The following SPOCK1 variants were observed in gnomAD, a reference collection of about 807,000 sequenced individuals.
SPOCK1 encodes testican-1.
In SPOCK1, 23 loss-of-function variants were observed where a neutral mutation model predicts 55.3. The ratio of observed to expected loss-of-function variants is 0.42; its 90% CI spans 0.30 to 0.59. The LOEUF is 0.59. Among genes scored for constraint, SPOCK1 ranks in the 20% least tolerant of loss-of-function variants. SPOCK1 has a pLI of 0.22. For synonymous variants in SPOCK1, 226 were observed against 221.0 expected (o/e 1.02, Z -0.20); for missense variants, 499 against 552.5 (o/e 0.90, Z 0.97).
chr5:137,164,321 C>T (rs1754610269), intron 3 of SPOCK1, among the ~76,000 whole-genome samples: 1 of 152,020 alleles, frequency 6.6e-6, no homozygotes, highest in Non-Finnish European at 1.5e-5. Flanking sequence ...TCTTGGACGA[C>T]ACTTCTAGAC....
At chr5:137,236,865 A>G (rs953072294) in intron 3 of SPOCK1, among the ~76,000 whole-genome samples, 20 of 152,206 alleles carry the variant, frequency 1.3e-4, no homozygotes, top group Non-Finnish European at 5.9e-5. Context: ...GAATATAATG[A>G]AGAGCTCATT....
intron 2 of SPOCK1, among the ~76,000 whole-genome samples, chr5:137,392,457 C>T (rs936648453): frequency 1.3e-5 from 2 of 152,196 alleles, no homozygotes; most frequent in African/African-American, 2.4e-5. Context: ...TCGACAATTA[C>T]CAAGTCTTAG....
chr5:137,029,538 A>G (rs1488250737), intron 6 of SPOCK1, among the ~76,000 whole-genome samples: 2 of 152,228 alleles, frequency 1.3e-5, no homozygotes, highest in Non-Finnish European at 2.9e-5. Flanking sequence ...AAGACTTTTT[A>G]GTGGAAGAGC....
chr5:137,153,253 C>A (rs1185490915), intron 3 of SPOCK1, among the ~76,000 whole-genome samples: 1 of 152,184 alleles, frequency 6.6e-6, no homozygotes. Flanking sequence ...GTGCAAGGGG[C>A]ATCTCTGGAT....
chr5:137,301,636 C>T (rs1175111735), intron 2 of SPOCK1, among the ~76,000 whole-genome samples: 4 of 129,782 alleles, frequency 3.1e-5, no homozygotes, highest in African/African-American at 5.9e-5. Context: ...ATTTCGTCTC[C>T]TTTTTTTTTT....
chr5:137,013,056 A>G (rs1751381754), intron 6 of SPOCK1, among the ~76,000 whole-genome samples: 7 of 152,174 alleles, frequency 4.6e-5, no homozygotes. Flanking sequence ...AGTTGGAGGG[A>G]GAAAGAGAGA....
rs556411799 is a variant in SPOCK1, at chr5:137,397,437, C to A, written c.186+100936G>T. Among the ~76,000 whole-genome samples, 8 of 152,318 alleles carry A rather than the reference C, an allele frequency of 5.3e-5. No individual in the cohort carries two copies. In the South Asian group the frequency reaches 1.7e-3, roughly 32 times the overall value. ...TCCAGCTTTACCTTCCTAACTGGAT[C>A]ATAAACTCCTTAAAAATCTTAAGGA... On this transcript the variant is annotated intron_variant, in intron 2 of 10. Transcript: ENST00000394945.
At chr5:137,317,662 C>T (rs1251115354) in intron 2 of SPOCK1, among the ~76,000 whole-genome samples, 1 of 152,190 alleles carries the variant, frequency 6.6e-6, no homozygotes, top group African/African-American at 2.4e-5. Context: ...GACACGTCAA[C>T]CCTACAAGTC....
chr5:137,464,426 T>G (rs1053965019), intron 2 of SPOCK1, among the ~76,000 whole-genome samples: 37 of 152,214 alleles, frequency 2.4e-4, no homozygotes, highest in Middle Eastern at 3.4e-3. Flanking sequence ...CATATACACC[T>G]ACTATATACC....
chr5:137,304,633 TTCCCCC>T (rs1757671131), intron 2 of SPOCK1, among the ~76,000 whole-genome samples: 1 of 152,148 alleles, frequency 6.6e-6, no homozygotes, highest in East Asian at 1.9e-4. Context: ...GGGAGGCAGC[TTCCCCC>T]CACTGGGTGA....
At chr5:137,005,327 T>C (rs1751226871) in intron 6 of SPOCK1, among the ~76,000 whole-genome samples, 1 of 152,134 alleles carries the variant, frequency 6.6e-6, no homozygotes, top group African/African-American at 2.4e-5. Flanking sequence ...AATAGCTTTT[T>C]TTTTTAAAGG....
intron 3 of SPOCK1, among the ~76,000 whole-genome samples, chr5:137,181,805 C>T (rs750496391): frequency 3.3e-5 from 5 of 152,210 alleles, no homozygotes; most frequent in Admixed American, 6.5e-5. Context: ...TAATCTAAAT[C>T]GGGCTGGGCA....
At chr5:137,068,911 C>T (rs892410357) in intron 5 of SPOCK1, among the ~76,000 whole-genome samples, 8 of 152,168 alleles carry the variant, frequency 5.3e-5, no homozygotes, top group African/African-American at 1.2e-4. Context: ...CAAAGACCCA[C>T]GGGCCCAGGA....
chr5:137,206,138 C>CA (rs1483291291), intron 3 of SPOCK1, among the ~76,000 whole-genome samples: 1 of 152,194 alleles, frequency 6.6e-6, no homozygotes, highest in Non-Finnish European at 1.5e-5. Context: ...TAGCTGTGCT[C>CA]AAAAACCTAC....
rs138458568 is a variant in SPOCK1 at position 137,061,765 on chromosome 5, C to T, written c.589+5950G>A. 3.3e-3 allele frequency among the ~76,000 whole-genome samples: 505 copies of T among 151,694 alleles called. 2 individuals carry two copies. The highest frequency in any genetic ancestry group is 0.011 in the African/African-American group (469 of 41,286). ...AGAGTGGAGGGGGCGGGTGGGAGGG[C>T]GTCTGTAGGATGCCATTCTAAACCT... On this transcript the variant is annotated intron_variant, in intron 6 of 10. Coordinates refer to ENST00000394945, the MANE Select transcript of SPOCK1 (RefSeq NM_004598.4).
intron 2 of SPOCK1, among the ~76,000 whole-genome samples, chr5:137,316,895 A>G (rs1202115847): frequency 1.3e-5 from 2 of 152,184 alleles, no homozygotes; most frequent in African/African-American, 4.8e-5. Flanking sequence ...AAACAAATCT[A>G]CCTGCCTTTG....
rs576091633 is a variant in SPOCK1, at chr5:137,133,369, CA to C, written c.347+7210del. Among the ~76,000 whole-genome samples the C allele has an allele frequency of 4.6e-3, 557 of 120,126 alleles. 1 individual carries two copies. Among genetic ancestry groups the C allele is most frequent in the African/African-American group, 0.01 (322 of 31,716 alleles). 78.8% of individuals were successfully genotyped at this position (120,126 alleles called of 152,430 possible). On this transcript the variant is annotated intron_variant, in intron 4 of 10. Transcript: ENST00000394945. ...TGGGTGACAGAGTGAGACTCCATCT[CA>C]AAAAAAAAAAAAAAAATTGTATTTG...
intron 2 of SPOCK1, among the ~76,000 whole-genome samples, chr5:137,280,258 G>A (rs1197996415): frequency 1.3e-5 from 2 of 152,212 alleles, no homozygotes; most frequent in Non-Finnish European, 2.9e-5. Context: ...TTTATTTCTT[G>A]TAAGGAGCAC....
At chr5:137,104,175 C>T (rs956727408) in intron 5 of SPOCK1, among the ~76,000 whole-genome samples, 14 of 152,114 alleles carry the variant, frequency 9.2e-5, no homozygotes, top group African/African-American at 3.4e-4. Flanking sequence ...AGGGGCTGAT[C>T]CCCACTTTGG....
Sources: allele counts gnomAD v4.1 joint callset (sites outside exome capture counted in the v4.1 genomes callset), GRCh38; gene constraint gnomAD v4.1.1; transcripts MANE v1.5; gene names NCBI Gene and HGNC (gene_info 2026-07-23, HGNC 2026-07-21).